ZMAT4: variants seen among roughly 807,000 people sequenced by gnomAD.
ZMAT4 encodes zinc finger matrin-type protein 4.
ZMAT4 carries 17 observed loss-of-function variants against 28.7 expected under a neutral mutation model. The observed-to-expected ratio is 0.59, with a 90% confidence interval of 0.41 to 0.89. The LOEUF (loss-of-function observed/expected upper bound fraction) is 0.89. ZMAT4 is among the 40% of genes least tolerant of loss of function. The pLI is 0.00. For missense variants in ZMAT4, 240 were observed against 283.8 expected (o/e 0.85, Z 1.11); for synonymous variants, 117 against 109.2 (o/e 1.07, Z -0.44).
At chr8:40,800,858 A>C (rs1717364527) in intron 2 of ZMAT4, among the ~76,000 whole-genome samples, 1 of 152,106 alleles carries the variant, frequency 6.6e-6, no homozygotes, top group African/African-American at 2.4e-5. Flanking sequence ...GAAGAAAAAA[A>C]TTAAATTCAA....
chr8:40,661,384 G>A (rs1808189893), intron 5 of ZMAT4, among the ~76,000 whole-genome samples: 1 of 152,222 alleles, frequency 6.6e-6, no homozygotes, highest in African/African-American at 2.4e-5. Context: ...ACCGGCATCA[G>A]CCATCATGCC....
At chr8:40,853,904 G>T (rs1817205969) in intron 1 of ZMAT4, among the ~76,000 whole-genome samples, 1 of 152,204 alleles carries the variant, frequency 6.6e-6, no homozygotes. Flanking sequence ...ATAAAGAAAA[G>T]AGGTTGATTT....
At chr8:40,793,065 A>C (rs1382829292) in intron 2 of ZMAT4, among the ~76,000 whole-genome samples, 1 of 152,098 alleles carries the variant, frequency 6.6e-6, no homozygotes, top group African/African-American at 2.4e-5. Context: ...GATATAACAC[A>C]AAGAGTGAGC....
At chr8:40,753,056 C>T (rs1812523875) in intron 3 of ZMAT4, among the ~76,000 whole-genome samples, 1 of 23,306 alleles carries the variant, frequency 4.3e-5, no homozygotes, top group Non-Finnish European at 1.2e-4. Flanking sequence ...CCCCCCACCC[C>T]CCAACAGGCC....
Position 40,532,146 on chromosome 8 carries a change from C to T in ZMAT4, c.*77G>A, listed in dbSNP as rs1248911665. 1.2e-5 allele frequency: 17 copies of T among 1,403,028 alleles called. No individual in the cohort carries two copies. Among genetic ancestry groups the T allele is most frequent in the Non-Finnish European group, 1.4e-5 (15 of 1,036,426 alleles). 86.9% of individuals were successfully genotyped at this position (1,403,028 alleles called of 1,614,324 possible). A position where few individuals can be genotyped will look rare whatever the true frequency, so the allele number is the denominator to read the frequency against. Reference sequence around the variant, plus strand: ...GTTTATTGTTCAAGAAAGAAGCCTCCTCTGGTGGTTGATAAGCAATTCTCC... The same window carrying T: ...GTTTATTGTTCAAGAAAGAAGCCTCTTCTGGTGGTTGATAAGCAATTCTCC... On this transcript the variant is annotated 3_prime_UTR_variant, in exon 7 of 7. Coordinates refer to ENST00000297737, the MANE Select transcript of ZMAT4 (RefSeq NM_024645.3).
At chr8:40,799,864 G>C (rs186038091) in intron 2 of ZMAT4, among the ~76,000 whole-genome samples, 2 of 152,168 alleles carry the variant, frequency 1.3e-5, no homozygotes, top group Non-Finnish European at 2.9e-5. Flanking sequence ...CTATTTGAAA[G>C]TAGACTTGGA....
chr8:40,550,471 T>A (rs1449030929), intron 6 of ZMAT4, among the ~76,000 whole-genome samples: 1 of 152,214 alleles, frequency 6.6e-6, no homozygotes, highest in Non-Finnish European at 1.5e-5. Flanking sequence ...AATGACCATC[T>A]GTCAAGGCCT....
chr8:40,776,550 C>A (rs1168817821), intron 2 of ZMAT4, among the ~76,000 whole-genome samples: 1 of 152,158 alleles, frequency 6.6e-6, no homozygotes. Flanking sequence ...GATGTCTGTG[C>A]ATTTTAAACA....
intron 5 of ZMAT4, among the ~76,000 whole-genome samples, chr8:40,626,618 G>A (rs559899079): frequency 1.7e-3 from 253 of 152,306 alleles, no homozygotes; most frequent in African/African-American, 5.8e-3. Context: ...TGGTTAGTTA[G>A]GAATCTTTTT....
chr8:40,576,660 A>G (rs147873541), intron 6 of ZMAT4, among the ~76,000 whole-genome samples: 1 of 152,308 alleles, frequency 6.6e-6, no homozygotes, highest in Non-Finnish European at 1.5e-5. Context: ...AAAAATGTTT[A>G]AGGAAGTCCT....
At chr8:40,719,453 TGAA>T (rs1563433796) in intron 3 of ZMAT4, among the ~76,000 whole-genome samples, 1 of 151,734 alleles carries the variant, frequency 6.6e-6, no homozygotes, top group Admixed American at 6.6e-5. Flanking sequence ...AATAAATAAA[TGAA>T]TAAATAAATA....
intron 1 of ZMAT4, among the ~76,000 whole-genome samples, chr8:40,830,086 CCTTTCTGCTT>C (rs933526631): frequency 2.0e-5 from 3 of 152,106 alleles, no homozygotes; most frequent in African/African-American, 7.2e-5. Flanking sequence ...ATGAAACCTT[CCTTTCTGCTT>C]CTTTCTGCTT....
At chr8:40,725,519 T>C (rs773506149) in intron 3 of ZMAT4, among the ~76,000 whole-genome samples, 1 of 152,218 alleles carries the variant, frequency 6.6e-6, no homozygotes, top group African/African-American at 2.4e-5. Context: ...AAGCCCAATG[T>C]TGCTTGAAAA....
chr8:40,759,255 C>G (rs1372974647), intron 3 of ZMAT4, among the ~76,000 whole-genome samples: 1 of 130,550 alleles, frequency 7.7e-6, no homozygotes, highest in Non-Finnish European at 1.6e-5. Context: ...GCACGCCAGC[C>G]TAGGCAACAG....
chr8:40,793,680 A>G (rs535184291), intron 2 of ZMAT4, among the ~76,000 whole-genome samples: 25 of 152,240 alleles, frequency 1.6e-4, no homozygotes, highest in African/African-American at 5.3e-4. Flanking sequence ...AATGTCCCCA[A>G]TGTTTTCAAA....
At chr8:40,611,897 C>A (rs1355095745) in intron 5 of ZMAT4, among the ~76,000 whole-genome samples, 1 of 152,122 alleles carries the variant, frequency 6.6e-6, no homozygotes, top group East Asian at 1.9e-4. Flanking sequence ...TAGTACCAAA[C>A]TGAAAGATTT....
At chr8:40,773,229 G>T (rs1813455659) in intron 2 of ZMAT4, among the ~76,000 whole-genome samples, 1 of 152,130 alleles carries the variant, frequency 6.6e-6, no homozygotes, top group South Asian at 2.1e-4. Flanking sequence ...AAAACTCTAG[G>T]AAGAGAAAGC....
rs141720308 is a variant in ZMAT4, at chr8:40,740,152, A to G, written c.192+27489T>C. On this transcript the variant is annotated intron_variant, in intron 3 of 6. Transcript: ENST00000297737. ...TAGAATGATTTATAATCCTTTGGGT[A>G]TACACCCAGTAATGGCATTGCTGGG... 2.0e-3 allele frequency among the ~76,000 whole-genome samples: 312 copies of G among 152,318 alleles called. 3 individuals are homozygous for G. The highest frequency in any genetic ancestry group is 7.0e-3 in the African/African-American group (289 of 41,574).
intron 6 of ZMAT4, among the ~76,000 whole-genome samples, chr8:40,561,991 G>A (rs116064068): frequency 1.0e-3 from 159 of 152,272 alleles, no homozygotes; most frequent in African/African-American, 3.4e-3. Flanking sequence ...TAGTGGTCTT[G>A]CTTCTCTGAC....
Sources: gnomAD v4.1 joint callset for allele counts (sites outside exome capture counted in the v4.1 genomes callset) on GRCh38, gnomAD v4.1.1 for gene constraint, MANE v1.5 for transcripts, NCBI Gene and HGNC (gene_info 2026-07-23, HGNC 2026-07-21) for gene names.